Variants in DNAH7 observed in about 807,000 individuals in gnomAD.
The protein encoded by DNAH7 is axonemal beta dynein heavy chain 7.
DNAH7 carries 397 observed loss-of-function variants against 444.6 expected under a neutral mutation model. The observed-to-expected ratio is 0.89, with a 90% confidence interval of 0.82 to 0.97. The LOEUF is 0.97. DNAH7 is among the 50% of genes least tolerant of loss of function. DNAH7 has a pLI of 0.00. For missense variants in DNAH7, 4,902 were observed against 4,800.8 expected (o/e 1.02, Z -0.62); for synonymous variants, 1,636 against 1,624.4 (o/e 1.01, Z -0.17).
chr2:195,960,136 T>G, intron 18 of DNAH7, 124 bp downstream of exon 18: 7 of 816,654 alleles, frequency 8.6e-6, no homozygotes, highest in Non-Finnish European at 9.1e-6. Context: ...AAATCAATTC[T>G]CAAAAGAAAT....
At chr2:195,939,472 A>G (rs117740096) in intron 19 of DNAH7, among the ~76,000 whole-genome samples, 8 of 152,150 alleles carry the variant, frequency 5.3e-5, no homozygotes, top group Non-Finnish European at 4.4e-5. Flanking sequence ...CAAGGAATGT[A>G]CAAGCCTCCA....
chr2:195,779,729 T>C (rs572252400), intron 58 of DNAH7, among the ~76,000 whole-genome samples: 1 of 152,072 alleles, frequency 6.6e-6, no homozygotes, highest in African/African-American at 2.4e-5. Flanking sequence ...CCTCAGCCTC[T>C]CAAGTAGCTG....
At chr2:195,754,542 C>G (rs1693975326) in intron 62 of DNAH7, 28 bp from the exon 63 acceptor site, 2 of 1,593,556 alleles carry the variant, frequency 1.3e-6, no homozygotes. Flanking sequence ...AGTGGGCTAA[C>G]AGTAGCACCT....
At chr2:196,040,721 G>A (rs1303188871) in intron 5 of DNAH7, among the ~76,000 whole-genome samples, 1 of 152,048 alleles carries the variant, frequency 6.6e-6, no homozygotes, top group East Asian at 1.9e-4. Context: ...GTCTTAGCCA[G>A]AGCAATTACA....
intron 40 of DNAH7, among the ~76,000 whole-genome samples, chr2:195,870,042 T>C (rs1700582153): frequency 6.6e-6 from 1 of 152,178 alleles, no homozygotes; most frequent in Non-Finnish European, 1.5e-5. Context: ...CCTATTCCCA[T>C]GATTGGAAGA....
At position 195,808,822 on chromosome 2, in the gene DNAH7, G is replaced by A. The variant is rs1444836744; in HGVS notation, c.9943C>T (p.Pro3315Ser). The part of the protein sequence containing the change: ...LLTGGIGLDN[P>S]YANLCTWLPQ... ...AGCCATGTACAAAGGTTGGCATAAG[G>A]ATTATCCAGTCCAATGCCACCAGTT... The change falls in exon 53 of 65, where the codon CCT becomes TCT. Residue 3315 changes from proline to serine, a missense_variant. Transcript: ENST00000312428. 1 of 1,613,760 alleles carries A rather than the reference G, an allele frequency of 6.2e-7. No homozygotes were observed. The highest frequency in any genetic ancestry group is 1.3e-5 in the African/African-American group (1 of 74,898).
At chr2:195,940,282 C>G (rs1689336069) in intron 19 of DNAH7, among the ~76,000 whole-genome samples, 1 of 152,188 alleles carries the variant, frequency 6.6e-6, no homozygotes, top group South Asian at 2.1e-4. Flanking sequence ...AAAAAAATCC[C>G]TATTTAACAA....
rs923963431 is a variant in DNAH7 at position 196,068,578 on chromosome 2, G to A, written c.15+119C>T. On this transcript the variant is annotated intron_variant, in intron 1 of 64. Transcript: ENST00000312428. ...CCAGGCCACAAGTGGGGTGAAGGAA[G>A]CTGTACACCGCGGAGTCACAGCTGG... 3.0e-6 allele frequency: 4 copies of A among 1,347,140 alleles called. No homozygotes were observed. In the East Asian group the frequency reaches 7.8e-5, roughly 26 times the overall value. The allele number at this position is 1,347,140 out of a possible 1,614,324, so 83.4% of individuals were successfully genotyped here.
rs200923124 is a variant in DNAH7, at chr2:195,861,914, G to A, written c.7539C>T (p.Ala2513=). 6.2e-6 allele frequency: 10 copies of A among 1,613,766 alleles called. No individual in the cohort carries two copies. The highest frequency in any genetic ancestry group is 1.1e-5 in the South Asian group (1 of 91,072). ...TTTCAATTTCTTCCAAGAATCGTGA[G>A]GCAACTGCCTGGAGTGCATCTTCAG... ...SWPEDALQAV[A]SRFLEEIEMS... Residue 2513 remains alanine, a synonymous_variant, in exon 42 of 65, where the codon GCC becomes GCT. Transcript: ENST00000312428.
intron 15 of DNAH7, among the ~76,000 whole-genome samples, chr2:195,974,144 T>A (rs780567077): frequency 3.9e-4 from 60 of 152,114 alleles, no homozygotes; most frequent in Non-Finnish European, 4.6e-4. Context: ...GACCTAACAA[T>A]GTTTTTGAAG....
At position 195,812,098 on chromosome 2, in the gene DNAH7, T is replaced by C. The variant is rs938271079; in HGVS notation, c.9762-2227A>G. ...GCCTCACCTAGACCAGCAACTCCTC[T>C]GGCAGTCCCCACCCAGAAGCAGACT... On this transcript the variant is annotated intron_variant, in intron 51 of 64. Transcript: ENST00000312428. Among the ~76,000 whole-genome samples, 4 of 152,326 alleles carry C rather than the reference T, an allele frequency of 2.6e-5. No homozygotes were observed. In the East Asian group the frequency reaches 7.7e-4, roughly 29 times the overall value.
chr2:195,936,472 A>G, intron 20 of DNAH7, 127 bp downstream of exon 20: 1 of 550,142 alleles, frequency 1.8e-6, no homozygotes, highest in Non-Finnish European at 2.9e-6. Flanking sequence ...ATTATATAAT[A>G]CTTGGAACAT....
In DNAH7 at chr2:195,858,660, C is replaced by A. The variant is rs1348750427; in HGVS notation, c.7881G>T (p.Met2627Ile). 6.2e-7 allele frequency: 1 copy of A among 1,613,780 alleles called. No individual in the cohort carries two copies. Among genetic ancestry groups the A allele is most frequent in the African/African-American group, 1.3e-5 (1 of 74,848 alleles). Residue 2627 changes from methionine to isoleucine, a missense_variant, in exon 43 of 65, where the codon ATG becomes ATT. Met to Ile is a conservative substitution (Grantham distance 10). Transcript: ENST00000312428. Reference protein sequence around the residue: ...KVASKEVDEMMIMIEKESVEV... With the variant: ...KVASKEVDEMIIMIEKESVEV... The stretch of plus-strand genomic sequence containing the variant: ...CTACAGACTCTTTCTCAATCATTAT[C>A]ATCATTTCATCAACCTCTTTGCTAG...
chr2:195,738,342 A>AT (rs1692779535), intron 64 of DNAH7, among the ~76,000 whole-genome samples: 1 of 152,206 alleles, frequency 6.6e-6, no homozygotes, highest in Admixed American at 6.5e-5. Flanking sequence ...TTCTAAAAGC[A>AT]TATTTTCTAC....
At position 195,845,162 on chromosome 2, in the gene DNAH7, G is replaced by T. The variant is rs1194661080; in HGVS notation, c.8785C>A (p.Gln2929Lys). ...CACAAAGTTGTCCACTCTTTAGTTT[G>T]ATTCTTTAGAACATCCACAGAAAGA... Reference protein sequence around the residue: ...GAFTSTYRQNQTKEWTTLCKG... With the variant: ...GAFTSTYRQNKTKEWTTLCKG... The change falls in exon 47 of 65, where the codon CAA becomes AAA. Residue 2929 changes from glutamine to lysine, a missense_variant. Physicochemically the swap from Gln to Lys is moderately conservative, Grantham distance 53. Coordinates refer to ENST00000312428, the MANE Select transcript of DNAH7 (RefSeq NM_018897.3). 1.2e-6 allele frequency: 2 copies of T among 1,605,686 alleles called. 1 individual carries two copies. The highest frequency in any genetic ancestry group is 2.3e-5 in the South Asian group (2 of 88,788).
intron 40 of DNAH7, among the ~76,000 whole-genome samples, chr2:195,871,260 T>C (rs1226709497): frequency 1.3e-5 from 2 of 152,230 alleles, no homozygotes; most frequent in Non-Finnish European, 2.9e-5. Context: ...TAGTACATGG[T>C]TGTAACACAG....
At chr2:195,961,283 G>A (rs530382800) in intron 17 of DNAH7, among the ~76,000 whole-genome samples, 2 of 152,062 alleles carry the variant, frequency 1.3e-5, no homozygotes, top group East Asian at 3.9e-4. Context: ...CAATGTTCAC[G>A]TATACAATAC....
At chr2:195,826,616 T>C (rs965751433) in intron 48 of DNAH7, among the ~76,000 whole-genome samples, 2 of 152,228 alleles carry the variant, frequency 1.3e-5, no homozygotes, top group African/African-American at 4.8e-5. Flanking sequence ...AGGGTGTTTT[T>C]AGCTGTTCTT....
At chr2:196,052,856 C>G (rs1481096694) in intron 2 of DNAH7, among the ~76,000 whole-genome samples, 2 of 152,190 alleles carry the variant, frequency 1.3e-5, no homozygotes, top group Non-Finnish European at 2.9e-5. Flanking sequence ...CAATGGCAGG[C>G]TTTGAGGCTA....
Sources: gnomAD v4.1 joint callset for allele counts (sites outside exome capture counted in the v4.1 genomes callset) on GRCh38, gnomAD v4.1.1 for gene constraint, MANE v1.5 for transcripts, NCBI Gene and HGNC (gene_info 2026-07-23, HGNC 2026-07-21) for gene names.